The following EYS variants were observed in gnomAD, a reference collection of about 807,000 sequenced individuals.
The protein encoded by EYS is EGF-like photoreceptor maintenance factor.
EYS carries 250 observed loss-of-function variants against 282.1 expected under a neutral mutation model. The ratio of observed to expected loss-of-function variants is 0.89; its 90% CI spans 0.80 to 0.98. EYS has a LOEUF of 0.98. EYS is among the 50% of genes least tolerant of loss of function. The probability of loss-of-function intolerance (pLI) is 0.00; values close to 1 mark genes in which losing one functional copy is unlikely to be tolerated. For missense variants in EYS, 4,016 were observed against 3,709.0 expected, an observed-to-expected ratio of 1.08 and a Z score of -2.15; for synonymous variants, 1,355 against 1,282.9, an observed-to-expected ratio of 1.06 and a Z score of -1.20.
chr6:65,684,329 A>C (rs929351245), intron 1 of EYS, among the ~76,000 whole-genome samples: 9 of 152,016 alleles, frequency 5.9e-5, no homozygotes, highest in African/African-American at 2.2e-4. Context: ...GATTATTTGA[A>C]GGGAATTAAT....
chr6:63,929,792 C>T (rs1458565264), intron 35 of EYS, among the ~76,000 whole-genome samples: 6 of 152,118 alleles, frequency 3.9e-5, no homozygotes, highest in Non-Finnish European at 7.4e-5. Flanking sequence ...GTTTTTCTGC[C>T]ATTCTGTTCT....
At chr6:65,448,380 A>G (rs1764274691) in intron 5 of EYS, among the ~76,000 whole-genome samples, 1 of 151,922 alleles carries the variant, frequency 6.6e-6, no homozygotes, top group Non-Finnish European at 1.5e-5. Flanking sequence ...CCTTAATATG[A>G]TTAGCCCAAA....
Position 63,722,613 on chromosome 6 carries a change from CTTA to C in EYS, c.8234-819_8234-817del, listed in dbSNP as rs1424655178. On this transcript the variant is annotated intron_variant, in intron 42 of 42. Coordinates refer to ENST00000503581, the MANE Select transcript of EYS (RefSeq NM_001142800.2). ...TTGCTTGAAGAGGATAGCAAAATGA[CTTA>C]TTAATAATGAACCACGCAGAAGTCT... 3.9e-5 allele frequency among the ~76,000 whole-genome samples: 6 copies of C among 152,192 alleles called. No individual in the cohort carries two copies. The East Asian group carries it at 1.2e-3, about 29-fold the overall frequency.
At chr6:64,311,845 T>C (rs1769718735) in intron 29 of EYS, among the ~76,000 whole-genome samples, 1 of 152,100 alleles carries the variant, frequency 6.6e-6, no homozygotes. Context: ...CTGGCTTAGA[T>C]ACTGTGCTTT....
chr6:64,327,186 A>G (rs1444037055), intron 29 of EYS, among the ~76,000 whole-genome samples: 1 of 152,102 alleles, frequency 6.6e-6, no homozygotes, highest in Non-Finnish European at 1.5e-5. Context: ...AGGACACTGT[A>G]TACAGCCCAT....
intron 2 of EYS, among the ~76,000 whole-genome samples, chr6:65,510,383 T>C (rs1001549805): frequency 9.2e-5 from 14 of 152,056 alleles, no homozygotes; most frequent in African/African-American, 2.7e-4. Context: ...CCATGGTGTA[T>C]ATGTGCCAGA....
At chr6:64,887,747 A>G (rs1056698939) in intron 18 of EYS, among the ~76,000 whole-genome samples, 1 of 152,054 alleles carries the variant, frequency 6.6e-6, no homozygotes, top group East Asian at 1.9e-4. Flanking sequence ...TTCAAGTGTA[A>G]ATTAAACTAG....
At chr6:64,662,720 T>C (rs1387208752) in intron 22 of EYS, among the ~76,000 whole-genome samples, 1 of 152,216 alleles carries the variant, frequency 6.6e-6, no homozygotes, top group Non-Finnish European at 1.5e-5. Flanking sequence ...AGGTTTTGTA[T>C]AACATTTTAC....
intron 35 of EYS, among the ~76,000 whole-genome samples, chr6:63,970,728 T>G (rs1474717891): frequency 3.3e-5 from 5 of 152,144 alleles, no homozygotes; most frequent in African/African-American, 1.2e-4. Context: ...AGGGTTGACA[T>G]TGTCTTTCTC....
At chr6:65,104,518 A>C (rs1392616913) in intron 12 of EYS, among the ~76,000 whole-genome samples, 2 of 151,514 alleles carry the variant, frequency 1.3e-5, no homozygotes, top group Non-Finnish European at 3.0e-5. Flanking sequence ...TTAAAATGTA[A>C]GAATTTTTCT....
chr6:65,284,756 A>G (rs1327190987), intron 12 of EYS, among the ~76,000 whole-genome samples: 4 of 152,084 alleles, frequency 2.6e-5, no homozygotes, highest in South Asian at 4.1e-4. Flanking sequence ...TTAACAGATG[A>G]ATGGATGGAT....
chr6:63,864,846 A>G (rs760068730), intron 35 of EYS, among the ~76,000 whole-genome samples: 8 of 152,214 alleles, frequency 5.3e-5, no homozygotes, highest in Non-Finnish European at 8.8e-5. Flanking sequence ...GGGGAGCTAT[A>G]ATGACTATAT....
chr6:64,682,776 T>C (rs981499313), intron 22 of EYS, among the ~76,000 whole-genome samples: 2 of 152,316 alleles, frequency 1.3e-5, no homozygotes, highest in Middle Eastern at 3.4e-3. Flanking sequence ...CAAACGTACC[T>C]TCCTTTTTTT....
chr6:64,245,060 G>A (rs1283320305), intron 30 of EYS, among the ~76,000 whole-genome samples: 1 of 143,928 alleles, frequency 6.9e-6, no homozygotes, highest in African/African-American at 2.6e-5. Flanking sequence ...TCCTACCTTT[G>A]AGTGAGAACA....
chr6:64,552,006 G>T (rs546763057), intron 26 of EYS, among the ~76,000 whole-genome samples: 2 of 152,040 alleles, frequency 1.3e-5, no homozygotes, highest in Non-Finnish European at 2.9e-5. Context: ...CTGACTTCAC[G>T]TGATTCACCC....
intron 28 of EYS, among the ~76,000 whole-genome samples, chr6:64,390,360 A>G (rs1773075453): frequency 6.6e-6 from 1 of 152,142 alleles, no homozygotes; most frequent in Non-Finnish European, 1.5e-5. Flanking sequence ...ACCTCTGCAG[A>G]CTTAAATGTC....
At chr6:65,034,734 T>C (rs1042290200) in intron 13 of EYS, among the ~76,000 whole-genome samples, 1 of 152,094 alleles carries the variant, frequency 6.6e-6, no homozygotes, top group Admixed American at 6.6e-5. Context: ...TTTTCTTCTT[T>C]ATAAATTACC....
intron 12 of EYS, among the ~76,000 whole-genome samples, chr6:65,173,935 T>A (rs1365462940): frequency 6.6e-6 from 1 of 151,306 alleles, no homozygotes; most frequent in African/African-American, 2.4e-5. Flanking sequence ...TACATAGCCT[T>A]AAGTGTATGC....
intron 26 of EYS, among the ~76,000 whole-genome samples, chr6:64,586,371 A>G (rs1443732906): frequency 6.6e-6 from 1 of 152,114 alleles, no homozygotes; most frequent in East Asian, 1.9e-4. Context: ...TAAGACACTT[A>G]ATGCATTTTT....
Sources: allele counts gnomAD v4.1 joint callset (sites outside exome capture counted in the v4.1 genomes callset), GRCh38; gene constraint gnomAD v4.1.1; transcripts MANE v1.5; gene names NCBI Gene and HGNC (gene_info 2026-07-23, HGNC 2026-07-21).